RAB6A: variants seen among roughly 807,000 people sequenced by gnomAD.
The protein encoded by RAB6A is RAB6A, member RAS oncogene family.
Under a neutral mutation model 32.3 loss-of-function variants are expected in RAB6A, and 8 were observed. That is an observed-to-expected ratio of 0.25 (90% CI 0.15 to 0.45). The LOEUF (loss-of-function observed/expected upper bound fraction) is 0.45, where lower values mean the gene tolerates loss of function less well. Ranked by LOEUF, RAB6A falls within the 20% of genes least tolerant of loss-of-function variation. The pLI is 1.00. For missense variants in RAB6A, 104 were observed against 249.4 expected, an observed-to-expected ratio of 0.42 and a Z score of 3.93; for synonymous variants, 73 against 82.1, an observed-to-expected ratio of 0.89 and a Z score of 0.60.
At position 73,760,987 on chromosome 11, in the gene RAB6A, C is replaced by A. The variant is rs1338525627; in HGVS notation, c.-352G>T. The stretch of plus-strand genomic sequence containing the variant: ...GGAAGAGAAGCTGAGGGTGGCGGAG[C>A]CGGAACCGCAGACGTATCTGGGACC... On this transcript the variant is annotated 5_prime_UTR_variant, in exon 1 of 8. Transcript: ENST00000336083. 4.2e-6 allele frequency: 1 copy of A among 238,502 alleles called. No homozygotes were observed. The highest frequency in any genetic ancestry group is 2.3e-5 in the African/African-American group (1 of 44,114). The allele number at this position is 238,502 out of a possible 1,614,324, so 14.8% of individuals were successfully genotyped here.
At chr11:73,753,929 C>T (rs1273667795) in intron 1 of RAB6A, among the ~76,000 whole-genome samples, 1 of 152,200 alleles carries the variant, frequency 6.6e-6, no homozygotes, top group African/African-American at 2.4e-5. Flanking sequence ...AACCACCTGA[C>T]ACTGTAGCAA....
intron 1 of RAB6A, among the ~76,000 whole-genome samples, chr11:73,751,447 A>G (rs1946667626): frequency 6.6e-6 from 1 of 152,216 alleles, no homozygotes; most frequent in African/African-American, 2.4e-5. Context: ...GGGAAAGCTG[A>G]GAAAGCTGAT....
intron 1 of RAB6A, among the ~76,000 whole-genome samples, chr11:73,752,863 A>T (rs1395532059): frequency 1.3e-5 from 2 of 152,040 alleles, no homozygotes; most frequent in South Asian, 2.1e-4. Context: ...AAAAAATAAT[A>T]AAAAAATGGA....
intron 5 of RAB6A, among the ~76,000 whole-genome samples, chr11:73,710,246 G>A (rs1052297669): frequency 1.5e-4 from 22 of 150,152 alleles, no homozygotes; most frequent in Admixed American, 6.0e-4. Flanking sequence ...GATTACAGGC[G>A]TGAGCCACCG....
chr11:73,707,458 T>C lies in RAB6A; in HGVS notation c.457A>G (p.Ile153Val), dbSNP rs140666806. 1.7e-5 allele frequency: 27 copies of C among 1,613,760 alleles called. No individual in the cohort carries two copies. Among genetic ancestry groups the C allele is most frequent in the Non-Finnish European group, 2.3e-5 (27 of 1,179,864 alleles). ...TATCCAGCTTTTGCACTAGTTTCAA[T>C]AAACATAACATTCAGCTCTTTGGCT... Reference protein sequence around the residue: ...RKAKELNVMFIETSAKAGYNV... With the variant: ...RKAKELNVMFVETSAKAGYNV... The change falls in exon 6 of 8, where the codon ATT becomes GTT. Residue 153 changes from isoleucine to valine, a missense_variant. Physicochemically the swap from Ile to Val is conservative, Grantham distance 29 (BLOSUM62 3). Around this residue, in one of 4 missense-constraint regions of RAB6A, gnomAD observed 33 missense variants for 59.5 expected, o/e 0.55. Coordinates refer to ENST00000336083, the MANE Select transcript of RAB6A (RefSeq NM_198896.2).
intron 6 of RAB6A, among the ~76,000 whole-genome samples, chr11:73,695,660 G>A (rs974360217): frequency 2.0e-5 from 3 of 152,116 alleles, no homozygotes; most frequent in Non-Finnish European, 2.9e-5. Context: ...GATTACAGGC[G>A]TGAGCCACTG....
At chr11:73,705,803 A>AGAGAGAGAGAGAGAGAGAGAG (rs1945832018) in intron 6 of RAB6A, among the ~76,000 whole-genome samples, 1 of 145,288 alleles carries the variant, frequency 6.9e-6, no homozygotes, top group Non-Finnish European at 1.5e-5. Flanking sequence ...AGAGAGAGAG[A>AGAGAGAGAGAGAGAGAGAGAG]TTTTCAATAT....
At chr11:73,747,933 C>A (rs1174882943) in intron 1 of RAB6A, among the ~76,000 whole-genome samples, 1 of 152,156 alleles carries the variant, frequency 6.6e-6, no homozygotes, top group Non-Finnish European at 1.5e-5. Context: ...ACGATGTTAA[C>A]CTTGATCACT....
At chr11:73,737,765 C>T (rs999102342) in intron 1 of RAB6A, among the ~76,000 whole-genome samples, 3 of 151,830 alleles carry the variant, frequency 2.0e-5, no homozygotes, top group African/African-American at 4.8e-5. Context: ...GAGGCCAAGG[C>T]GGGTGGATCA....
chr11:73,735,777 C>T (rs372552992), intron 1 of RAB6A, among the ~76,000 whole-genome samples: 7 of 151,866 alleles, frequency 4.6e-5, no homozygotes, highest in African/African-American at 1.7e-4. Context: ...TCTGTAATAA[C>T]CCATATGCAG....
At chr11:73,705,802 GAT>G (rs1945831964) in intron 6 of RAB6A, among the ~76,000 whole-genome samples, 1 of 147,644 alleles carries the variant, frequency 6.8e-6, no homozygotes. Context: ...GAGAGAGAGA[GAT>G]TTTCAATATA....
chr11:73,746,891 C>A (rs956573568), intron 1 of RAB6A, among the ~76,000 whole-genome samples: 1 of 152,192 alleles, frequency 6.6e-6, no homozygotes, highest in Non-Finnish European at 1.5e-5. Flanking sequence ...TCAATTTCCT[C>A]ACGGTAAAAT....
At chr11:73,738,018 C>T (rs1328039026) in intron 1 of RAB6A, among the ~76,000 whole-genome samples, 1 of 143,298 alleles carries the variant, frequency 7.0e-6, no homozygotes, top group South Asian at 2.2e-4. Flanking sequence ...AAAAAGACCA[C>T]ATGTTATTAA....
intron 5 of RAB6A, among the ~76,000 whole-genome samples, chr11:73,712,458 C>G (rs1945973243): frequency 6.6e-6 from 1 of 152,028 alleles, no homozygotes; most frequent in African/African-American, 2.4e-5. Flanking sequence ...TCAAGCAATT[C>G]TCCTGCCTCA....
chr11:73,710,150 CAG>C (rs1159390137), intron 5 of RAB6A, among the ~76,000 whole-genome samples: 5 of 145,788 alleles, frequency 3.4e-5, no homozygotes, highest in Admixed American at 2.7e-4. Flanking sequence ...TTTTTTTTAG[CAG>C]AGACGGGGTT....
At chr11:73,723,723 T>C (rs974856099) in intron 2 of RAB6A, among the ~76,000 whole-genome samples, 8 of 152,160 alleles carry the variant, frequency 5.3e-5, no homozygotes, top group African/African-American at 1.9e-4. Context: ...ATCTATGCCC[T>C]TGCAAAGGTT....
chr11:73,729,568 T>C (rs1318433426), intron 2 of RAB6A: 2 of 152,248 alleles, frequency 1.3e-5, no homozygotes, highest in Non-Finnish European at 2.9e-5. Flanking sequence ...TTCTGCTCTC[T>C]CTTTCATATA....
chr11:73,717,306 T>G (rs760303377), intron 4 of RAB6A, among the ~76,000 whole-genome samples: 12 of 152,212 alleles, frequency 7.9e-5, no homozygotes, highest in Non-Finnish European at 1.3e-4. Context: ...AGTTCCTTTG[T>G]CTATTTAAGA....
intron 2 of RAB6A, among the ~76,000 whole-genome samples, chr11:73,728,793 T>C (rs1454515354): frequency 6.6e-6 from 1 of 151,952 alleles, no homozygotes; most frequent in Non-Finnish European, 1.5e-5. Context: ...GGTTGAATAT[T>C]AGAGTAACTG....
Sources: allele counts gnomAD v4.1 joint callset (sites outside exome capture counted in the v4.1 genomes callset), GRCh38; gene constraint gnomAD v4.1.1; regional missense constraint gnomAD v4.1.1; transcripts MANE v1.5; gene names NCBI Gene and HGNC (gene_info 2026-07-23, HGNC 2026-07-21).